Variants in TNR observed in about 807,000 individuals in gnomAD.
TNR encodes tenascin-R.
Under a neutral mutation model 150.4 loss-of-function variants are expected in TNR, and 45 were observed. The observed-to-expected ratio is 0.30, with a 90% CI of 0.24 to 0.38. The LOEUF (loss-of-function observed/expected upper bound fraction) is 0.38, where lower values mean the gene tolerates loss of function less well. TNR is among the 10% of genes least tolerant of loss of function. The pLI is 1.00. For synonymous variants in TNR, 687 were observed against 678.4 expected, an observed-to-expected ratio of 1.01 and a Z score of -0.20; for missense variants, 1,544 against 1,759.1, an observed-to-expected ratio of 0.88 and a Z score of 2.19.
chr1:175,490,014 A>G (rs1032581678), intron 2 of TNR, among the ~76,000 whole-genome samples: 1 of 152,220 alleles, frequency 6.6e-6, no homozygotes. Flanking sequence ...TGCTATTGGT[A>G]CAAAAACAGA....
In TNR at chr1:175,320,146, T is replaced by C. The variant is rs998546301; in HGVS notation, c.*3211A>G. ...TGAGAAGGGTCTACCTCGATTCCTT[T>C]TGAGTCCCTTGAGGGAAACTGGTGT... On this transcript the variant is annotated 3_prime_UTR_variant, in exon 23 of 23. Transcript: ENST00000367674. The C allele has an allele frequency of 2.0e-5, 3 of 152,316 alleles. No homozygotes were observed. The highest frequency in any genetic ancestry group is 7.2e-5 in the African/African-American group (3 of 41,442). 9.4% of individuals were successfully genotyped at this position (152,316 alleles called of 1,614,324 possible).
At chr1:175,335,388 T>C (rs1650187862) in intron 20 of TNR, 1 of 243,750 alleles carries the variant, frequency 4.1e-6, no homozygotes. Context: ...TTCTGGGAGA[T>C]GGCCAGGCAG....
chr1:175,338,115 T>C (rs930117589), intron 18 of TNR, among the ~76,000 whole-genome samples: 2 of 152,216 alleles, frequency 1.3e-5, no homozygotes, highest in African/African-American at 4.8e-5. Context: ...CACTGCAGAC[T>C]CCACCTTTCA....
intron 1 of TNR, among the ~76,000 whole-genome samples, chr1:175,742,438 C>A (rs531195524): frequency 6.6e-6 from 1 of 152,156 alleles, no homozygotes; most frequent in Non-Finnish European, 1.5e-5. Context: ...TTCCAACCAC[C>A]CATAGCCAAA....
At position 175,329,997 on chromosome 1, in the gene TNR, G is replaced by A. The variant is rs890046921; in HGVS notation, c.3793+77C>T. 2.0e-5 allele frequency: 28 copies of A among 1,381,128 alleles called. No individual in the cohort carries two copies. The East Asian group carries it at 6.4e-4, about 31-fold the overall frequency. 85.6% of individuals were successfully genotyped at this position (1,381,128 alleles called of 1,614,324 possible). On this transcript the variant is annotated intron_variant, in intron 21 of 22. Coordinates refer to ENST00000367674, the MANE Select transcript of TNR (RefSeq NM_003285.3). ...CTCTGTGGGTGCTGCTGCTTCCTGA[G>A]GCAGCTTACGCCTAGAATCTGGGGG...
Position 175,365,194 on chromosome 1 carries a change from T to C in TNR, c.2403A>G (p.Ala801=). Residue 801 remains alanine, a synonymous_variant, in exon 12 of 23, where the codon GCA becomes GCG. Transcript: ENST00000367674. ...NITWSDPSPP[A]DRLILNYSPR... is the part of the protein sequence containing the mutation. ...GGCTGTAGTTAAGAATGAGTCTGTC[T>C]GCTGGGGGAGATGGATCACTCCAAG... 6.2e-7 allele frequency: 1 copy of C among 1,614,082 alleles called. No homozygotes were observed.
intron 1 of TNR, among the ~76,000 whole-genome samples, chr1:175,717,568 A>G (rs1197143478): frequency 2.6e-5 from 4 of 152,202 alleles, no homozygotes; most frequent in African/African-American, 4.8e-5. Flanking sequence ...AGGCGTGAAT[A>G]TATCTATATT....
chr1:175,399,073 A>G (rs866257957), intron 4 of TNR, among the ~76,000 whole-genome samples: 1 of 152,228 alleles, frequency 6.6e-6, no homozygotes, highest in South Asian at 2.1e-4. Flanking sequence ...TCATTTATAC[A>G]TGGTGTCCCA....
chr1:175,429,088 T>C (rs1655141659), intron 2 of TNR, among the ~76,000 whole-genome samples: 1 of 152,182 alleles, frequency 6.6e-6, no homozygotes, highest in Non-Finnish European at 1.5e-5. Flanking sequence ...CATGGTGCTC[T>C]AGAATATTCT....
chr1:175,735,805 G>A (rs58488844), intron 1 of TNR, among the ~76,000 whole-genome samples: 27,208 of 152,162 alleles, frequency 0.18, 2,586 homozygotes, highest in Middle Eastern at 0.25. Flanking sequence ...AAGTGTTCAT[G>A]GTCTCTGGCT....
intron 1 of TNR, among the ~76,000 whole-genome samples, chr1:175,656,316 G>A (rs993069129): frequency 1.3e-5 from 2 of 152,144 alleles, no homozygotes; most frequent in African/African-American, 4.8e-5. Context: ...GGTGGGTCAC[G>A]CAGGAGAACC....
At chr1:175,365,561 A>G (rs1042961933) in intron 11 of TNR, among the ~76,000 whole-genome samples, 2 of 152,202 alleles carry the variant, frequency 1.3e-5, no homozygotes, top group African/African-American at 4.8e-5. Context: ...TGAATTTTAT[A>G]TGATCCCATG....
chr1:175,536,055 T>G (rs1660268160), intron 1 of TNR, among the ~76,000 whole-genome samples: 1 of 152,236 alleles, frequency 6.6e-6, no homozygotes, highest in African/African-American at 2.4e-5. Flanking sequence ...ACACTAGTTA[T>G]TAGACCTGCC....
At chr1:175,618,049 T>G (rs1237022425) in intron 1 of TNR, among the ~76,000 whole-genome samples, 1 of 152,212 alleles carries the variant, frequency 6.6e-6, no homozygotes, top group Non-Finnish European at 1.5e-5. Flanking sequence ...CTTTTGTTAC[T>G]TAATTGGGAG....
rs1289723004 is a variant in TNR, at chr1:175,666,856, C to T, written c.-165+76370G>A. Among the ~76,000 whole-genome samples the T allele has an allele frequency of 3.9e-5, 6 of 152,330 alleles. No individual in the cohort carries two copies. The East Asian group carries it at 1.2e-3, about 29-fold the overall frequency. ...TCAAACTCCAGGTTCAAGCAATCCT[C>T]CCACCTCAGCCTCTCCAGTAGCTAG... On this transcript the variant is annotated intron_variant, in intron 1 of 22. Coordinates refer to ENST00000367674, the MANE Select transcript of TNR (RefSeq NM_003285.3).
At chr1:175,651,329 G>A (rs1664988629) in intron 1 of TNR, among the ~76,000 whole-genome samples, 1 of 151,910 alleles carries the variant, frequency 6.6e-6, no homozygotes, top group African/African-American at 2.4e-5. Context: ...GGTTCAGCAT[G>A]TTTTCTTTGA....
At chr1:175,694,632 C>G (rs1666458595) in intron 1 of TNR, among the ~76,000 whole-genome samples, 1 of 152,134 alleles carries the variant, frequency 6.6e-6, no homozygotes, top group Non-Finnish European at 1.5e-5. Flanking sequence ...AAATCCTACC[C>G]CGCCCAGTAC....
chr1:175,335,636 G>C, intron 20 of TNR, 75 bp downstream of exon 20: 2 of 1,422,714 alleles, frequency 1.4e-6, no homozygotes, highest in South Asian at 2.4e-5. Context: ...GATAATCTCA[G>C]ATGGACACAA....
intron 1 of TNR, among the ~76,000 whole-genome samples, chr1:175,726,466 C>A (rs1187108484): frequency 1.3e-5 from 2 of 152,222 alleles, no homozygotes. Flanking sequence ...CTCAGATATC[C>A]CTCCTCAAAC....
Sources: gnomAD v4.1 joint callset for allele counts (sites outside exome capture counted in the v4.1 genomes callset) on GRCh38, gnomAD v4.1.1 for gene constraint, MANE v1.5 for transcripts, NCBI Gene and HGNC (gene_info 2026-07-23, HGNC 2026-07-21) for gene names.